Variants in CFAP46 observed in about 807,000 individuals in gnomAD.
CFAP46 encodes the protein cilia- and flagella-associated protein 46.
In CFAP46, 245 loss-of-function variants were observed where a neutral mutation model predicts 325.7. That is an observed-to-expected ratio of 0.75 (90% CI 0.68 to 0.84). The LOEUF is 0.84. Among genes scored for constraint, CFAP46 ranks in the 40% least tolerant of loss-of-function variants. The pLI, the probability that CFAP46 is intolerant of heterozygous loss-of-function variation, is 0.00. For synonymous variants in CFAP46, 1,523 were observed against 1,495.9 expected (o/e 1.02, Z -0.42); for missense variants, 3,346 against 3,543.0 (o/e 0.94, Z 1.41).
rs1353865466 is a variant in CFAP46 at position 132,817,791 on chromosome 10, C to T, written c.7118-2877G>A. On this transcript the variant is annotated intron_variant, in intron 50 of 57. Coordinates refer to ENST00000368586, the MANE Select transcript of CFAP46 (RefSeq NM_001200049.3). The surrounding 1 kb of genome is among the most constrained non-coding windows in gnomAD (Gnocchi z 4.4). ...GCTGTTAACCAATTACTACAAAACG[C>T]AGGCTTGATGTGGCACTGCTTCCTG... Among the ~76,000 whole-genome samples the T allele has an allele frequency of 6.6e-6, 1 of 152,252 alleles. No homozygotes were observed. Among genetic ancestry groups the T allele is most frequent in the Non-Finnish European group, 1.5e-5 (1 of 68,046 alleles).
rs1452806702 is a variant in CFAP46, at chr10:132,847,479, C to T, written c.5953-158G>A. Among the ~76,000 whole-genome samples the T allele has an allele frequency of 1.3e-5, 2 of 152,096 alleles. No individual in the cohort carries two copies. Among genetic ancestry groups the T allele is most frequent in the African/African-American group, 4.8e-5 (2 of 41,408 alleles). ...AGCATGGCCTCTCACTATCCCAAAC[C>T]CTCCATCCCTGAGTTGATGCAGGGT... On this transcript the variant is annotated intron_variant, in intron 41 of 57. Coordinates refer to ENST00000368586, the MANE Select transcript of CFAP46 (RefSeq NM_001200049.3). The surrounding 1 kb of genome is among the most constrained non-coding windows in gnomAD (Gnocchi z 5.2).
rs1849698261 is a variant in CFAP46 at position 132,920,046 on chromosome 10, T to C, written c.1730+13A>G. 30 of 1,532,450 alleles carry C rather than the reference T, an allele frequency of 2.0e-5. No individual in the cohort carries two copies. The highest frequency in any genetic ancestry group is 2.5e-5 in the Non-Finnish European group (28 of 1,138,638). The allele number at this position is 1,532,450 out of a possible 1,614,324, so 94.9% of individuals were successfully genotyped here. ...TGAGCTGTGCGTGGCGCTCTGGCCTTTTCCTCACTCACCTCTCCTTGTCGT... is the reference window on the plus strand; with the variant it reads ...TGAGCTGTGCGTGGCGCTCTGGCCTCTTCCTCACTCACCTCTCCTTGTCGT... On this transcript the variant is annotated intron_variant, in intron 14 of 57. Coordinates refer to ENST00000368586, the MANE Select transcript of CFAP46 (RefSeq NM_001200049.3).
intron 50 of CFAP46, among the ~76,000 whole-genome samples, chr10:132,824,908 ATGTGTGCTG>A (rs1372519022): frequency 2.8e-5 from 3 of 105,422 alleles, no homozygotes; most frequent in South Asian, 3.5e-4. Context: ...GTGAGTGCTA[ATGTGTGCTG>A]TGTGTGCTGC....
In CFAP46 at chr10:132,894,413, C is replaced by G. The variant is rs549200257; in HGVS notation, c.3220-1996G>C. Among the ~76,000 whole-genome samples the G allele has an allele frequency of 2.6e-5, 4 of 152,084 alleles. No individual in the cohort carries two copies. The South Asian group carries it at 8.3e-4, about 32-fold the overall frequency. ...GCTGTATTAAAGAAGGATCTCAACT[C>G]AATAATCAACTTTACATCATAAGGA... On this transcript the variant is annotated intron_variant, in intron 24 of 57. Coordinates refer to ENST00000368586, the MANE Select transcript of CFAP46 (RefSeq NM_001200049.3).
At chr10:132,816,613 G>A (rs1018037714) in intron 50 of CFAP46, among the ~76,000 whole-genome samples, 13 of 152,104 alleles carry the variant, frequency 8.5e-5, no homozygotes, top group South Asian at 2.1e-4. Context: ...GATTACAGGC[G>A]TGAGCAATTG....
rs1278423967 is a variant in CFAP46, at chr10:132,846,123, C to T, written c.6372G>A (p.Arg2124=). ...GGCTGGTGGTGGTCCTGTCTTGGCA[C>T]CGGAGCTGGTGCTGTAGCTGCAGCA... The part of the protein sequence containing the change: ...AALLQLQHQL[R]CQDRTTTSLG... Residue 2124 remains arginine (R), a synonymous_variant, in exon 44 of 58, where the codon CGG becomes CGA. Transcript: ENST00000368586. The T allele has an allele frequency of 6.2e-7, 1 of 1,610,044 alleles. No homozygotes were observed. The highest frequency in any genetic ancestry group is 8.5e-7 in the Non-Finnish European group (1 of 1,179,392).
At chr10:132,818,883 G>T (rs995850205) in intron 50 of CFAP46, among the ~76,000 whole-genome samples, 1 of 148,650 alleles carries the variant, frequency 6.7e-6, no homozygotes, top group African/African-American at 2.5e-5. Context: ...AAAAAAGAAA[G>T]AACAGGCACA....
intron 22 of CFAP46, among the ~76,000 whole-genome samples, chr10:132,908,042 C>T (rs952263103): frequency 1.6e-4 from 25 of 152,258 alleles, no homozygotes; most frequent in African/African-American, 4.3e-4. Flanking sequence ...ACAATGCACA[C>T]GCGGCCAGCA....
rs1228910193 is a variant in CFAP46, at chr10:132,920,167, T to A, written c.1622A>T (p.Asn541Ile). The A allele has an allele frequency of 6.5e-7, 1 of 1,544,070 alleles. No homozygotes were observed. The part of the protein sequence containing the change: ...ENEAKVSTGK[N>I]RGRFTYLCAK... ...ACAGAGGTAGGTGAACCGGCCCCTG[T>A]TCTTCCCGGTGGAGACTGAGGGCGG... The change falls in exon 14 of 58, where the codon AAC becomes ATC. Residue 541 changes from asparagine (N) to isoleucine (I), a missense_variant. Coordinates refer to ENST00000368586, the MANE Select transcript of CFAP46 (RefSeq NM_001200049.3).
intron 39 of CFAP46, among the ~76,000 whole-genome samples, chr10:132,854,323 G>GTTTTGTTT (rs1848606804): frequency 6.6e-6 from 1 of 151,072 alleles, no homozygotes; most frequent in Non-Finnish European, 1.5e-5. Flanking sequence ...ATAGCTTTCT[G>GTTTTGTTT]TGTTTTGTTT....
chr10:132,887,527 C>T (rs565992162), intron 25 of CFAP46, among the ~76,000 whole-genome samples: 10 of 109,098 alleles, frequency 9.2e-5, no homozygotes, highest in Non-Finnish European at 1.8e-4. Flanking sequence ...CTCCTCTCCT[C>T]TCTCCTCTCC....
Position 132,934,791 on chromosome 10 carries a change from T to C in CFAP46, c.827A>G (p.His276Arg), listed in dbSNP as rs759394298. 1 of 1,612,782 alleles carries C rather than the reference T, an allele frequency of 6.2e-7. No individual in the cohort carries two copies. Among genetic ancestry groups the C allele is most frequent in the Non-Finnish European group, 8.5e-7 (1 of 1,178,926 alleles). ...ILRKAYRHLGHYNHQRFPSIS... is the reference protein window; with the variant it reads ...ILRKAYRHLGRYNHQRFPSIS... ...AGAGGGAAAGCGCTGGTGGTTGTAA[T>C]GACCTAAGTGTCTGTAGGCCTTCCT... Residue 276 changes from histidine to arginine, a missense_variant, in exon 8 of 58, where the codon CAT (histidine) becomes CGT (arginine). By Grantham distance (29) the His-to-Arg change is conservative. Transcript: ENST00000368586.
At chr10:132,926,728 C>T (rs1849816917) in intron 9 of CFAP46, 62 bp from the exon 10 acceptor site, 9 of 1,232,516 alleles carry the variant, frequency 7.3e-6, no homozygotes, top group East Asian at 2.5e-5. Flanking sequence ...TGTGTACATT[C>T]ATGAAATTCA....
chr10:132,843,270 G>GA (rs1848372707), intron 44 of CFAP46, among the ~76,000 whole-genome samples: 1 of 152,180 alleles, frequency 6.6e-6, no homozygotes, highest in Non-Finnish European at 1.5e-5. Context: ...AAGCTTCCAG[G>GA]GGAATGTCCC....
At chr10:132,850,195 G>A (rs766881209) in intron 41 of CFAP46, 49 bp downstream of exon 41, 4 of 1,526,076 alleles carry the variant, frequency 2.6e-6, no homozygotes, top group South Asian at 2.4e-5. Flanking sequence ...TTTCAGGCAC[G>A]GGTGACTGGT....
At position 132,886,903 on chromosome 10, in the gene CFAP46, A is replaced by C. The variant is rs1207068362; in HGVS notation, c.3305-944T>G. On this transcript the variant is annotated intron_variant, in intron 25 of 57. Transcript: ENST00000368586. The surrounding 1 kb of genome is among the most constrained non-coding windows in gnomAD (Gnocchi z 5.8). ...CCCCTCCCCGTCATGGGCGCTGCCC[A>C]GCCCAGCCTGCACACCCTTCCCCTG... Among the ~76,000 whole-genome samples, 2 of 151,850 alleles carry C rather than the reference A, an allele frequency of 1.3e-5. No individual in the cohort carries two copies. The highest frequency in any genetic ancestry group is 4.8e-5 in the African/African-American group (2 of 41,272).
At chr10:132,880,116 GTA>G (rs1407911371) in intron 28 of CFAP46, among the ~76,000 whole-genome samples, 2 of 143,480 alleles carry the variant, frequency 1.4e-5, no homozygotes, top group African/African-American at 2.9e-5. Flanking sequence ...GTGTGTGCAT[GTA>G]TGTGTGTGTG....
intron 17 of CFAP46, among the ~76,000 whole-genome samples, chr10:132,914,896 C>G (rs975772556): frequency 6.6e-6 from 1 of 152,270 alleles, no homozygotes; most frequent in Non-Finnish European, 1.5e-5. Flanking sequence ...GCGCCGCCCT[C>G]CCTTCTGCCC....
In CFAP46 at chr10:132,884,889, G is replaced by A. The variant is rs1479869177; in HGVS notation, c.3627+214C>T. On this transcript the variant is annotated intron_variant, in intron 27 of 57. Coordinates refer to ENST00000368586, the MANE Select transcript of CFAP46 (RefSeq NM_001200049.3). This position sits in a 1 kb window ranked among gnomAD's most constrained non-coding sequence, Gnocchi z 5.4. ...GACCTGACCACGACCCCTCCATGCT[G>A]GAAAGGGACCACTGAAACCAGCTCC... 6.6e-6 allele frequency among the ~76,000 whole-genome samples: 1 copy of A among 152,148 alleles called. No homozygotes were observed. Among genetic ancestry groups the A allele is most frequent in the Non-Finnish European group, 1.5e-5 (1 of 68,022 alleles).
Sources: allele counts gnomAD v4.1 joint callset (sites outside exome capture counted in the v4.1 genomes callset), GRCh38; gene constraint gnomAD v4.1.1; non-coding constraint Gnocchi (gnomAD v3.1); transcripts MANE v1.5; gene names NCBI Gene and HGNC (gene_info 2026-07-23, HGNC 2026-07-21).